The following ANGPT4 variants were observed in gnomAD, a reference collection of about 807,000 sequenced individuals.
The protein encoded by ANGPT4 is angiopoietin-4.
In ANGPT4, 50 loss-of-function variants were observed where a neutral mutation model predicts 53.0. The ratio of observed to expected loss-of-function variants is 0.94; its 90% CI spans 0.75 to 1.20. The LOEUF (loss-of-function observed/expected upper bound fraction) is 1.20, where lower values mean the gene tolerates loss of function less well. ANGPT4 is among the 50% of genes most tolerant of loss of function. The probability of loss-of-function intolerance (pLI) is 0.00; values close to 1 mark genes in which losing one functional copy is unlikely to be tolerated. For synonymous variants in ANGPT4, 251 were observed against 259.7 expected (o/e 0.97, Z 0.32); for missense variants, 648 against 637.1 (o/e 1.02, Z -0.18).
chr20:888,540 C>G (rs1981708838), intron 2 of ANGPT4, 101 bp from the exon 3 acceptor site: 2 of 1,496,050 alleles, frequency 1.3e-6, no homozygotes, highest in Non-Finnish European at 1.8e-6. Flanking sequence ...CAGAAACTTA[C>G]CCATTTCCAC....
intron 6 of ANGPT4, among the ~76,000 whole-genome samples, chr20:879,074 G>A (rs1337164973): frequency 6.6e-6 from 1 of 152,160 alleles, no homozygotes; most frequent in Non-Finnish European, 1.5e-5. Context: ...CATTTTAATG[G>A]TTGTTTAAAG....
chr20:915,499 C>G (rs1049166379), intron 1 of ANGPT4, among the ~76,000 whole-genome samples: 27 of 152,220 alleles, frequency 1.8e-4, no homozygotes, highest in African/African-American at 6.5e-4. Flanking sequence ...GATCTGACCT[C>G]AAGCAGCCAC....
At chr20:899,236 G>A (rs1982180275) in intron 1 of ANGPT4, among the ~76,000 whole-genome samples, 1 of 149,290 alleles carries the variant, frequency 6.7e-6, no homozygotes, top group Non-Finnish European at 1.5e-5. Context: ...CAGCTTTGGT[G>A]CCAACTGGGA....
intron 6 of ANGPT4, 75 bp downstream of exon 6, chr20:879,672 A>G: frequency 7.9e-7 from 1 of 1,272,266 alleles, no homozygotes; most frequent in Non-Finnish European, 1.1e-6. Context: ...AGGGCAAAGC[A>G]GTCCCCTTCC....
rs566350099 is a variant in ANGPT4 at position 885,842 on chromosome 20, A to C, written c.588-517T>G. On this transcript the variant is annotated intron_variant, in intron 3 of 8. Transcript: ENST00000381922. ...AGATGCCCAGGACTTGGGGCACATC[A>C]AGCCTAACCCCATGTGTGGCAAGAG... Among the ~76,000 whole-genome samples the C allele has an allele frequency of 2.0e-5, 3 of 152,342 alleles. No homozygotes were observed. In the East Asian group the frequency reaches 5.8e-4, roughly 29 times the overall value.
chr20:881,420 G>A, intron 4 of ANGPT4, 134 bp from the exon 5 acceptor site: 1 of 752,902 alleles, frequency 1.3e-6, no homozygotes, highest in African/African-American at 1.7e-5. Context: ...AGTCAGACCT[G>A]GGAAGATTTC....
intron 1 of ANGPT4, among the ~76,000 whole-genome samples, chr20:900,069 T>C (rs1295197664): frequency 6.6e-6 from 1 of 152,252 alleles, no homozygotes; most frequent in Non-Finnish European, 1.5e-5. Flanking sequence ...CATTCCATTC[T>C]ATCGTCCTTT....
In ANGPT4 at chr20:872,265, C is replaced by T. The variant is rs1980969740; in HGVS notation, c.*695G>A. 1 of 152,146 alleles carries T rather than the reference C, an allele frequency of 6.6e-6. No homozygotes were observed. The highest frequency in any genetic ancestry group is 1.5e-5 in the Non-Finnish European group (1 of 68,046). The allele number at this position is 152,146 out of a possible 1,614,324, so 9.4% of individuals were successfully genotyped here. On this transcript the variant is annotated 3_prime_UTR_variant, in exon 9 of 9. Coordinates refer to ENST00000381922, the MANE Select transcript of ANGPT4 (RefSeq NM_015985.4). ...ATTCCCTGTGACACATCCTCTAGGA[C>T]ATGCTGGAGGTGAAGGAGCATGTCC...
At chr20:912,126 T>C (rs906201932) in intron 1 of ANGPT4, among the ~76,000 whole-genome samples, 4 of 152,032 alleles carry the variant, frequency 2.6e-5, no homozygotes, top group African/African-American at 7.2e-5. Flanking sequence ...ATTCTCCTCA[T>C]CTGTATAATG....
chr20:913,478 C>G (rs76684085), intron 1 of ANGPT4, among the ~76,000 whole-genome samples: 7 of 152,216 alleles, frequency 4.6e-5, no homozygotes, highest in African/African-American at 1.7e-4. Context: ...CCCTACGGCA[C>G]TCTACGGTGA....
At chr20:875,147 A>C (rs984464875) in intron 7 of ANGPT4, among the ~76,000 whole-genome samples, 2 of 152,322 alleles carry the variant, frequency 1.3e-5, no homozygotes, top group East Asian at 1.9e-4. Flanking sequence ...ATGCGAAAAC[A>C]GAAATCCCAA....
chr20:905,071 G>A (rs1982425750), intron 1 of ANGPT4, among the ~76,000 whole-genome samples: 1 of 152,098 alleles, frequency 6.6e-6, no homozygotes, highest in South Asian at 2.1e-4. Flanking sequence ...AATCTCAGTA[G>A]CACCAAAGCA....
At chr20:903,167 T>C (rs534013876) in intron 1 of ANGPT4, among the ~76,000 whole-genome samples, 139 of 152,316 alleles carry the variant, frequency 9.1e-4, no homozygotes, top group African/African-American at 3.2e-3. Flanking sequence ...TGCTGGCTTC[T>C]GCCTGTTGAC....
Position 872,856 on chromosome 20 carries a change from T to G in ANGPT4, c.*104A>C. 1 of 1,451,380 alleles carries G rather than the reference T, an allele frequency of 6.9e-7. No homozygotes were observed. The highest frequency in any genetic ancestry group is 9.4e-7 in the Non-Finnish European group (1 of 1,064,078). The allele number at this position is 1,451,380 out of a possible 1,614,324, so 89.9% of individuals were successfully genotyped here. ...GGGCTGGCTCAGGAAGCCCAGGGTG[T>G]CAGGGAAGGCGGTGGCACAGTGTCT... On this transcript the variant is annotated 3_prime_UTR_variant, in exon 9 of 9. Transcript: ENST00000381922.
At chr20:903,249 G>A (rs112344703) in intron 1 of ANGPT4, among the ~76,000 whole-genome samples, 18 of 152,310 alleles carry the variant, frequency 1.2e-4, no homozygotes, top group African/African-American at 4.3e-4. Flanking sequence ...GTGAATGGGG[G>A]TGGCATTAAG....
Position 873,067 on chromosome 20 carries a change from C to T in ANGPT4, c.1405G>A (p.Ala469Thr). The T allele has an allele frequency of 3.1e-6, 5 of 1,613,980 alleles. No homozygotes were observed. Among genetic ancestry groups the T allele is most frequent in the East Asian group, 2.2e-5 (1 of 44,876 alleles). The part of the protein sequence containing the change: ...LSNLNGVYYH[A>T]PDNKYKMDGI... Reference sequence around the variant, plus strand: ...TCCATCTTGTACTTGTTGTCGGGAGCGTGGTAGTAGACGCCGTTGAGGTTT... The same window carrying T: ...TCCATCTTGTACTTGTTGTCGGGAGTGTGGTAGTAGACGCCGTTGAGGTTT... Residue 469 changes from alanine to threonine, a missense_variant, in exon 9 of 9, where the codon GCT (alanine) becomes ACT (threonine). Coordinates refer to ENST00000381922, the MANE Select transcript of ANGPT4 (RefSeq NM_015985.4).
At chr20:883,607 G>A (rs1270208516) in intron 4 of ANGPT4, among the ~76,000 whole-genome samples, 1 of 152,242 alleles carries the variant, frequency 6.6e-6, no homozygotes, top group Non-Finnish European at 1.5e-5. Context: ...ACTGCCTAGT[G>A]TCCTTCCCTG....
rs868038505 is a variant in ANGPT4 at position 911,830 on chromosome 20, G to C, written c.309+4076C>G. 6.6e-6 allele frequency among the ~76,000 whole-genome samples: 1 copy of C among 151,466 alleles called. No homozygotes were observed. Among genetic ancestry groups the C allele is most frequent in the African/African-American group, 2.4e-5 (1 of 41,280 alleles). On this transcript the variant is annotated intron_variant, in intron 1 of 8. Transcript: ENST00000381922. The surrounding 1 kb of genome is among the most constrained non-coding windows in gnomAD (Gnocchi z 4.9). ...ACCTTGTCTTTAGGAGAGAGACAGA[G>C]AGAGGGAGAGAGGGACAGAGAGAGG...
chr20:903,825 A>T (rs1438514158), intron 1 of ANGPT4, among the ~76,000 whole-genome samples: 1 of 152,160 alleles, frequency 6.6e-6, no homozygotes, highest in African/African-American at 2.4e-5. Context: ...TTTAGCAGGG[A>T]TGCCCCAGGG....
Sources: gnomAD v4.1 joint callset for allele counts (sites outside exome capture counted in the v4.1 genomes callset) on GRCh38, gnomAD v4.1.1 for gene constraint, Gnocchi (gnomAD v3.1) non-coding constraint, MANE v1.5 for transcripts, NCBI Gene and HGNC (gene_info 2026-07-23, HGNC 2026-07-21) for gene names.